Variants in TRIOBP observed in about 807,000 individuals in gnomAD.
TRIOBP encodes TRIO and F-actin binding protein, also known as TRIO and F-actin-binding protein.
A neutral mutation model predicts 238.8 loss-of-function variants in TRIOBP; 169 were observed. The observed-to-expected ratio is 0.71, with a 90% confidence interval of 0.62 to 0.80. The LOEUF (loss-of-function observed/expected upper bound fraction) is 0.80, where lower values mean the gene tolerates loss of function less well. Ranked by LOEUF, TRIOBP falls within the 30% of genes least tolerant of loss-of-function variation. The pLI, the probability that TRIOBP is intolerant of heterozygous loss-of-function variation, is 0.00. For synonymous variants in TRIOBP, 1,150 were observed against 1,274.4 expected, an observed-to-expected ratio of 0.90 and a Z score of 2.08; for missense variants, 2,838 against 3,122.6, an observed-to-expected ratio of 0.91 and a Z score of 2.17.
At chr22:37,705,832 T>C (rs1387346349) in intron 3 of TRIOBP, among the ~76,000 whole-genome samples, 1 of 152,144 alleles carries the variant, frequency 6.6e-6, no homozygotes, top group Non-Finnish European at 1.5e-5. Flanking sequence ...CTCCTTGGCC[T>C]CCCAAAGTGC....
At chr22:37,698,965 A>G (rs1922500407) in intron 2 of TRIOBP, among the ~76,000 whole-genome samples, 1 of 151,690 alleles carries the variant, frequency 6.6e-6, no homozygotes, top group Admixed American at 6.6e-5. Flanking sequence ...ACATGGCGAA[A>G]CCCCGTTGCT....
At chr22:37,731,008 C>T (rs567025973) in intron 7 of TRIOBP, among the ~76,000 whole-genome samples, 17 of 149,658 alleles carry the variant, frequency 1.1e-4, no homozygotes, top group Non-Finnish European at 2.2e-4. Context: ...AGCTCAGAAA[C>T]ACTTCCTCCA....
At chr22:37,721,747 C>T (rs771751214) in intron 6 of TRIOBP, among the ~76,000 whole-genome samples, 1 of 152,224 alleles carries the variant, frequency 6.6e-6, no homozygotes, top group Non-Finnish European at 1.5e-5. Context: ...TCTCAAAGTG[C>T]TGGGATTACA....
chr22:37,766,327 C>G (rs1926493006), intron 18 of TRIOBP, among the ~76,000 whole-genome samples: 1 of 152,256 alleles, frequency 6.6e-6, no homozygotes, highest in Admixed American at 6.5e-5. Context: ...CACCGCACAC[C>G]TGCTGTGTGC....
At chr22:37,747,744 G>A (rs1348800342) in intron 11 of TRIOBP, among the ~76,000 whole-genome samples, 1 of 152,246 alleles carries the variant, frequency 6.6e-6, no homozygotes, top group African/African-American at 2.4e-5. Context: ...ATCCTTGAAG[G>A]TTGGTAGTAA....
Position 37,701,157 on chromosome 22 carries a change from C to CAGGAATGGATGGAGAACAGGAACCCAA in TRIOBP, c.-60-137_-60-111dup, listed in dbSNP as rs1301879177. ...AGTGTTTGTTGAGTGAATAAATGAA[C>CAGGAATGGATGGAGAACAGGAACCCAA]AGGAATGGATGGAGAACAGGAACCC... is the stretch of plus-strand genomic sequence containing the variant. On this transcript the variant is annotated intron_variant, in intron 2 of 23. Coordinates refer to ENST00000644935, the MANE Select transcript of TRIOBP (RefSeq NM_001039141.3). The CAGGAATGGATGGAGAACAGGAACCCAA allele has an allele frequency of 7.4e-6, 4 of 542,952 alleles. No homozygotes were observed. The African/African-American group carries it at 7.6e-5, about 10-fold the overall frequency. 33.6% of individuals were successfully genotyped at this position (542,952 alleles called of 1,614,324 possible).
rs140302221 is a variant in TRIOBP, at chr22:37,757,694, G to A, written c.5769G>A (p.Ala1923=). 1.4e-4 allele frequency: 216 copies of A among 1,584,018 alleles called. No homozygotes were observed. Among genetic ancestry groups the A allele is most frequent in the Middle Eastern group, 5.0e-4 (3 of 6,028 alleles). The part of the protein sequence containing the change: ...KGPLKAGEQR[A]GSEVISRGGP... ...CCCTGAAGGCAGGGGAGCAGCGGGCGGGCTCTGAGGTCATCAGCCGGGGTG... is the reference window on the plus strand; with the variant it reads ...CCCTGAAGGCAGGGGAGCAGCGGGCAGGCTCTGAGGTCATCAGCCGGGGTG... The change falls in exon 16 of 24, where the codon GCG becomes GCA. Residue 1923 remains alanine (A), a synonymous_variant. Coordinates refer to ENST00000644935, the MANE Select transcript of TRIOBP (RefSeq NM_001039141.3).
rs1452400518 is a variant in TRIOBP, at chr22:37,757,807, C to T, written c.5882C>T (p.Thr1961Ile). Residue 1961 changes from threonine to isoleucine, a missense_variant, in exon 16 of 24, where the codon ACC (threonine) becomes ATC (isoleucine). Transcript: ENST00000644935. ...CAGGCTTCCCCGCAGCGGGCCCGCA[C>T]CCCAGCCCGCACTCCTGACCGCCTG... Reference protein sequence around the residue: ...LTQASPQRARTPARTPDRLAK... With the variant: ...LTQASPQRARIPARTPDRLAK... 1.3e-6 allele frequency: 2 copies of T among 1,547,586 alleles called. No individual in the cohort carries two copies. The highest frequency in any genetic ancestry group is 1.7e-6 in the Non-Finnish European group (2 of 1,145,166).
chr22:37,729,781 T>G (rs559300813), intron 7 of TRIOBP, among the ~76,000 whole-genome samples: 1 of 152,342 alleles, frequency 6.6e-6, no homozygotes, highest in African/African-American at 2.4e-5. Flanking sequence ...ACTGAATAAT[T>G]AAAATTTTTC....
At position 37,733,267 on chromosome 22, in the gene TRIOBP, C is replaced by T. The variant is rs752124869; in HGVS notation, c.3948-31C>T. 8.0e-6 allele frequency: 12 copies of T among 1,499,406 alleles called. No individual in the cohort carries two copies. The South Asian group carries it at 1.4e-4, about 18-fold the overall frequency. The allele number at this position is 1,499,406 out of a possible 1,614,324, so 92.9% of individuals were successfully genotyped here. On this transcript the variant is annotated intron_variant, in intron 7 of 23. Coordinates refer to ENST00000644935, the MANE Select transcript of TRIOBP (RefSeq NM_001039141.3). ...GCTGGGGTGCTGGGAGTGGGACAGT[C>T]CCTCAGAGGAGTGGCTGCATTTGCT...
At chr22:37,772,495 G>A (rs1231655254) in intron 22 of TRIOBP, 106 bp from the exon 23 acceptor site, 4 of 1,518,964 alleles carry the variant, frequency 2.6e-6, no homozygotes, top group Middle Eastern at 1.9e-4. Flanking sequence ...GAGGGATGAA[G>A]CGAGGTATCT....
At chr22:37,759,607 TG>T in intron 17 of TRIOBP, 1 of 1,557,716 alleles carries the variant, frequency 6.4e-7, no homozygotes, top group South Asian at 1.1e-5. Flanking sequence ...CCCGGGGAAG[TG>T]GGGGGCTAGT....
Position 37,774,847 on chromosome 22 carries a change from G to C in TRIOBP, c.*1067G>C, listed in dbSNP as rs1290013024. ...AGTAGGGCCCAGGGCCCAGGCCTGA[G>C]AGAGAGGCCTGGGGCTAAGACTAGC... On this transcript the variant is annotated 3_prime_UTR_variant, in exon 24 of 24. Transcript: ENST00000644935. 1 of 152,218 alleles carries C rather than the reference G, an allele frequency of 6.6e-6. No individual in the cohort carries two copies. The allele number at this position is 152,218 out of a possible 1,614,324, so 9.4% of individuals were successfully genotyped here. A position where few individuals can be genotyped will look rare whatever the true frequency, so the allele number is the denominator to read the frequency against.
chr22:37,699,097 C>G (rs558710118), intron 2 of TRIOBP, among the ~76,000 whole-genome samples: 1 of 152,098 alleles, frequency 6.6e-6, no homozygotes, highest in South Asian at 2.1e-4. Context: ...GCCGAGTGAG[C>G]CAAGATCACA....
At chr22:37,773,122 C>T (rs977535957) in intron 23 of TRIOBP, among the ~76,000 whole-genome samples, 2 of 152,138 alleles carry the variant, frequency 1.3e-5, no homozygotes, top group African/African-American at 2.4e-5. Flanking sequence ...ACGCTGAGGC[C>T]GGGCTTCTAT....
chr22:37,723,830 G>A lies in TRIOBP; in HGVS notation c.1274G>A (p.Arg425Gln), dbSNP rs370182187. Reference protein sequence around the residue: ...SRTSSPNRATRDNPRTSCAQR... With the variant: ...SRTSSPNRATQDNPRTSCAQR... ...ACCTCCTCTCCCAATAGAGCCACACGAGACAACCCCAGAACATCCTGCGCC... is the reference window on the plus strand; with the variant it reads ...ACCTCCTCTCCCAATAGAGCCACACAAGACAACCCCAGAACATCCTGCGCC... The change falls in exon 7 of 24, where the codon CGA (arginine) becomes CAA (glutamine). Residue 425 changes from arginine to glutamine, a missense_variant. Coordinates refer to ENST00000644935, the MANE Select transcript of TRIOBP (RefSeq NM_001039141.3). 1.3e-6 allele frequency: 2 copies of A among 1,590,060 alleles called. No individual in the cohort carries two copies. The highest frequency in any genetic ancestry group is 1.7e-6 in the Non-Finnish European group (2 of 1,164,900).
intron 11 of TRIOBP, among the ~76,000 whole-genome samples, chr22:37,741,826 G>T (rs961520833): frequency 4.6e-5 from 7 of 152,148 alleles, no homozygotes; most frequent in African/African-American, 1.4e-4. Context: ...ACTGAGCCTC[G>T]GTTGCCACAT....
Position 37,734,951 on chromosome 22 carries a change from TG to T in TRIOBP, c.4621del (p.Ala1541GlnfsTer69), listed in dbSNP as rs1569046546. On this transcript the variant is annotated frameshift_variant, in exon 9 of 24. Transcript: ENST00000644935. LOFTEE classifies it high-confidence loss of function. ...CTCTGGGACACCCACTGCTGTGGGCTGGGGGGCAGAGGGAGCGTGTCCATAC... is the reference window on the plus strand; with the variant it reads ...CTCTGGGACACCCACTGCTGTGGGCTGGGGGCAGAGGGAGCGTGTCCATAC... The part of the protein sequence containing the change: ...WHSGTPTAVG[W>X]GAEGACPYPR... 1 of 1,613,282 alleles carries T rather than the reference TG, an allele frequency of 6.2e-7. No homozygotes were observed. Among genetic ancestry groups the T allele is most frequent in the Non-Finnish European group, 8.5e-7 (1 of 1,179,978 alleles).
chr22:37,700,451 CT>C (rs111657558), intron 2 of TRIOBP, among the ~76,000 whole-genome samples: 6 of 146,786 alleles, frequency 4.1e-5, no homozygotes, highest in Admixed American at 6.9e-5. Flanking sequence ...CTGAAATCTG[CT>C]TTTTTTTTTT....
Sources: gnomAD v4.1 joint callset for allele counts (sites outside exome capture counted in the v4.1 genomes callset) on GRCh38, gnomAD v4.1.1 for gene constraint, MANE v1.5 for transcripts, NCBI Gene and HGNC (gene_info 2026-07-23, HGNC 2026-07-21) for gene names.